PPP4R3A: variants seen among roughly 807,000 people sequenced by gnomAD.
PPP4R3A encodes serine/threonine-protein phosphatase 4 regulatory subunit 3A.
A neutral mutation model predicts 91.7 loss-of-function variants in PPP4R3A; 15 were observed. The observed-to-expected ratio is 0.16, with a 90% CI of 0.11 to 0.25. The LOEUF (loss-of-function observed/expected upper bound fraction) is 0.25, where lower values mean the gene tolerates loss of function less well. Ranked by LOEUF, PPP4R3A falls within the 10% of genes least tolerant of loss-of-function variation. PPP4R3A has a pLI of 1.00. For synonymous variants in PPP4R3A, 377 were observed against 348.7 expected (o/e 1.08, Z -0.91); for missense variants, 623 against 998.4 (o/e 0.62, Z 5.07).
chr14:91,457,793 A>G lies in PPP4R3A; in HGVS notation c.*966T>C, dbSNP rs1887857885. The G allele has an allele frequency of 6.6e-6, 1 of 152,594 alleles. No homozygotes were observed. The highest frequency in any genetic ancestry group is 1.5e-5 in the Non-Finnish European group (1 of 68,016). 9.5% of individuals were successfully genotyped at this position (152,594 alleles called of 1,614,324 possible). A position where few individuals can be genotyped will look rare whatever the true frequency, so the allele number is the denominator to read the frequency against. Reference sequence around the variant, plus strand: ...CTGTTGAAGTTTTAAATTCCATTCTATTTCCCTGAATTCTCAAGACAGTTG... The same window carrying G: ...CTGTTGAAGTTTTAAATTCCATTCTGTTTCCCTGAATTCTCAAGACAGTTG... On this transcript the variant is annotated 3_prime_UTR_variant, in exon 15 of 15. Coordinates refer to ENST00000554943, the MANE Select transcript of PPP4R3A (RefSeq NM_001366432.2).
At position 91,475,955 on chromosome 14, in the gene PPP4R3A, A is replaced by C. The variant is rs765517627; in HGVS notation, c.1122T>G (p.Asp374Glu). 1 of 1,584,372 alleles carries C rather than the reference A, an allele frequency of 6.3e-7. No individual in the cohort carries two copies. Among genetic ancestry groups the C allele is most frequent in the Non-Finnish European group, 8.5e-7 (1 of 1,171,288 alleles). The change falls in exon 7 of 15, where the codon GAT (aspartate) becomes GAG (glutamate). Residue 374 changes from aspartate (D) to glutamate (E), a missense_variant. Physicochemically the swap from Asp to Glu is conservative, Grantham distance 45 (BLOSUM62 2). Around this residue, in one of 5 missense-constraint regions of PPP4R3A, gnomAD observed 264 missense variants for 377.3 expected, o/e 0.70. Transcript: ENST00000554943. Reference protein sequence around the residue: ...PALEVILGMDDTQVRSAATDI... With the variant: ...PALEVILGMDETQVRSAATDI... ...CAGTAGCAGCACTTCGCACCTGTGT[A>C]TCATCCATGCCCTGCAGACAAAAAA...
At chr14:91,466,552 T>C (rs993070837) in intron 10 of PPP4R3A, 12 of 493,264 alleles carry the variant, frequency 2.4e-5, no homozygotes, top group Non-Finnish European at 2.6e-5. Flanking sequence ...AGAGTGTATC[T>C]TTCTTAAGAA....
At chr14:91,473,172 C>T in intron 8 of PPP4R3A, 37 bp from the exon 9 acceptor site, 1 of 1,613,226 alleles carries the variant, frequency 6.2e-7, no homozygotes, top group Non-Finnish European at 8.5e-7. Flanking sequence ...ACTTTAACCA[C>T]ACTGGTTCCT....
chr14:91,492,614 C>A (rs1000976919), intron 1 of PPP4R3A, among the ~76,000 whole-genome samples: 1 of 152,192 alleles, frequency 6.6e-6, no homozygotes, highest in East Asian at 1.9e-4. Context: ...CCTAATTAAT[C>A]CAAAATCTCT....
At chr14:91,461,263 G>C in intron 14 of PPP4R3A, 118 bp downstream of exon 14, 1 of 909,574 alleles carries the variant, frequency 1.1e-6, no homozygotes, top group Non-Finnish European at 1.7e-6. Flanking sequence ...TCATCCTCTA[G>C]TTCAGGGATG....
intron 6 of PPP4R3A, 51 bp downstream of exon 6, chr14:91,476,357 A>T: frequency 8.0e-7 from 1 of 1,242,506 alleles, no homozygotes. Context: ...TAAAAATATT[A>T]ATTTTGGGAT....
chr14:91,502,120 C>T (rs1020769869), intron 1 of PPP4R3A, among the ~76,000 whole-genome samples: 1 of 152,012 alleles, frequency 6.6e-6, no homozygotes, highest in African/African-American at 2.4e-5. Flanking sequence ...TACATAGTGG[C>T]ATTTAAAAAC....
chr14:91,477,917 G>A (rs1206690716), intron 4 of PPP4R3A, among the ~76,000 whole-genome samples: 1 of 151,998 alleles, frequency 6.6e-6, no homozygotes, highest in Non-Finnish European at 1.5e-5. Flanking sequence ...CTGAAGTGCT[G>A]GGATTACGCA....
At chr14:91,476,213 G>A (rs1889196780) in intron 6 of PPP4R3A, among the ~76,000 whole-genome samples, 195 bp downstream of exon 6, 2 of 152,140 alleles carry the variant, frequency 1.3e-5, no homozygotes, top group Admixed American at 1.3e-4. Flanking sequence ...TTAAATTATG[G>A]GAAATTCCTT....
chr14:91,499,083 A>G (rs895043714), intron 1 of PPP4R3A, among the ~76,000 whole-genome samples: 1 of 151,756 alleles, frequency 6.6e-6, no homozygotes, highest in Non-Finnish European at 1.5e-5. Flanking sequence ...CACCACGCCC[A>G]GCTGAGACCT....
intron 1 of PPP4R3A, among the ~76,000 whole-genome samples, chr14:91,499,417 T>G (rs186325692): frequency 1.7e-4 from 26 of 152,126 alleles, no homozygotes; most frequent in Non-Finnish European, 3.4e-4. Flanking sequence ...TTAAATGAGA[T>G]CTGTGTATCC....
intron 10 of PPP4R3A, among the ~76,000 whole-genome samples, chr14:91,466,021 T>C (rs1029482256): frequency 1.5e-4 from 23 of 152,264 alleles, no homozygotes; most frequent in South Asian, 8.3e-4. Context: ...CTATGCTTAT[T>C]GTAGCGAGTA....
At chr14:91,502,799 CAG>C (rs1891045710) in intron 1 of PPP4R3A, among the ~76,000 whole-genome samples, 1 of 152,158 alleles carries the variant, frequency 6.6e-6, no homozygotes, top group Non-Finnish European at 1.5e-5. Flanking sequence ...AGATATGAGT[CAG>C]AGAACAGATA....
chr14:91,502,086 C>T (rs771262972), intron 1 of PPP4R3A, among the ~76,000 whole-genome samples: 4 of 151,648 alleles, frequency 2.6e-5, no homozygotes, highest in East Asian at 1.9e-4. Flanking sequence ...CCTGACTTTT[C>T]GGAAAAAAAT....
At position 91,495,745 on chromosome 14, in the gene PPP4R3A, T is replaced by C. The variant is rs149396094; in HGVS notation, c.143-4943A>G. On this transcript the variant is annotated intron_variant, in intron 1 of 14. Transcript: ENST00000554943. ...CAGCCTAGGCAATATAGTGAGACCT[T>C]GTCTCTATAAAAAAATTTTAAAAAT... Among the ~76,000 whole-genome samples the C allele has an allele frequency of 2.6e-5, 4 of 151,890 alleles. No homozygotes were observed. The East Asian group carries it at 7.7e-4, about 29-fold the overall frequency.
intron 12 of PPP4R3A, 146 bp from the exon 13 acceptor site, chr14:91,462,385 A>C: frequency 4.5e-6 from 4 of 882,826 alleles, no homozygotes; most frequent in Non-Finnish European, 6.3e-6. Context: ...TATTTAGATT[A>C]ATGTACAAAA....
In PPP4R3A at chr14:91,491,672, T is replaced by A. The variant is rs1890241435; in HGVS notation, c.143-870A>T. Among the ~76,000 whole-genome samples, 4 of 152,148 alleles carry A rather than the reference T, an allele frequency of 2.6e-5. No individual in the cohort carries two copies. The South Asian group carries it at 8.3e-4, about 31-fold the overall frequency. ...CACCAGCCTTGGCCTCCCAAAGTGC[T>A]GGGATTACAGGCGTGAGCCACCACG... On this transcript the variant is annotated intron_variant, in intron 1 of 14. Coordinates refer to ENST00000554943, the MANE Select transcript of PPP4R3A (RefSeq NM_001366432.2).
intron 2 of PPP4R3A, among the ~76,000 whole-genome samples, chr14:91,488,585 T>G (rs1409183899): frequency 6.6e-6 from 1 of 152,168 alleles, no homozygotes; most frequent in East Asian, 1.9e-4. Context: ...ACAGAACAAA[T>G]GGTAGAAGAA....
At chr14:91,471,361 T>C (rs909509263) in intron 9 of PPP4R3A, among the ~76,000 whole-genome samples, 1 of 152,202 alleles carries the variant, frequency 6.6e-6, no homozygotes, top group Non-Finnish European at 1.5e-5. Context: ...AGATATAGCA[T>C]ATGAGGTTTT....
Sources: gnomAD v4.1 joint callset for allele counts (sites outside exome capture counted in the v4.1 genomes callset) on GRCh38, gnomAD v4.1.1 for gene constraint, gnomAD v4.1.1 regional missense constraint, MANE v1.5 for transcripts, NCBI Gene and HGNC (gene_info 2026-07-23, HGNC 2026-07-21) for gene names.